TUSC3: variants seen among roughly 807,000 people sequenced by gnomAD.
TUSC3 encodes the protein tumor suppressor candidate 3, also known as dolichyl-diphosphooligosaccharide--protein glycosyltransferase subunit TUSC3.
Under a neutral mutation model 44.8 loss-of-function variants are expected in TUSC3, and 45 were observed. The ratio of observed to expected loss-of-function variants is 1.00; its 90% CI spans 0.79 to 1.29. The LOEUF (loss-of-function observed/expected upper bound fraction) is 1.29. Among genes scored for constraint, TUSC3 ranks in the 50% most tolerant of loss-of-function variants. The pLI, the probability that TUSC3 is intolerant of heterozygous loss-of-function variation, is 0.00. For missense variants in TUSC3, 519 were observed against 437.9 expected, an observed-to-expected ratio of 1.19 and a Z score of -1.65; for synonymous variants, 212 against 152.9, an observed-to-expected ratio of 1.39 and a Z score of -2.85.
chr8:15,615,100 C>A (rs972715155), intron 1 of TUSC3, among the ~76,000 whole-genome samples: 1 of 152,126 alleles, frequency 6.6e-6, no homozygotes, highest in Non-Finnish European at 1.5e-5. Flanking sequence ...TCAGCAATCT[C>A]AATGATGGTT....
At chr8:15,820,293 G>T in the TUSC3 span, among the ~76,000 whole-genome samples, 1 of 147,528 alleles carries the variant, frequency 6.8e-6, no homozygotes, top group East Asian at 2.0e-4. Flanking sequence ...ATTCATGAAA[G>T]ATATTGATCT....
chr8:15,485,940 A>G (rs1400839445), intron 2 of TUSC3, among the ~76,000 whole-genome samples: 1 of 151,830 alleles, frequency 6.6e-6, no homozygotes, highest in African/African-American at 2.4e-5. Context: ...ACAGGTGCCC[A>G]CCACCAAGCC....
chr8:15,820,773 T>A, the TUSC3 span, among the ~76,000 whole-genome samples: 1 of 152,224 alleles, frequency 6.6e-6, no homozygotes, highest in East Asian at 1.9e-4. Context: ...TGAAACTAGC[T>A]ACCTTGGAAT....
chr8:15,581,889 C>T (rs955128433), intron 1 of TUSC3, among the ~76,000 whole-genome samples: 4 of 139,316 alleles, frequency 2.9e-5, no homozygotes, highest in Admixed American at 7.0e-5. Flanking sequence ...TGGGCAATGG[C>T]GGGCGCCCCT....
At chr8:15,478,579 C>T (rs1164129039) in intron 1 of TUSC3, among the ~76,000 whole-genome samples, 2 of 152,136 alleles carry the variant, frequency 1.3e-5, no homozygotes, top group African/African-American at 4.8e-5. Flanking sequence ...CTTCCAGCAC[C>T]ATCCATGTCC....
In TUSC3 at chr8:15,503,305, C is replaced by T. The variant is rs374972191; in HGVS notation, n.189+19822C>T. Among the ~76,000 whole-genome samples the T allele has an allele frequency of 2.6e-5, 4 of 152,214 alleles. No individual in the cohort carries two copies. In the East Asian group the frequency reaches 5.8e-4, roughly 22 times the overall value. Reference sequence around the variant, plus strand: ...TCAGAAGAAACTAACCCTGCCGCCTCCTGTATCTTAGACTTGTAGGCTTCA... The same window carrying T: ...TCAGAAGAAACTAACCCTGCCGCCTTCTGTATCTTAGACTTGTAGGCTTCA... On this transcript the variant is annotated intron_variant and non_coding_transcript_variant, in intron 2 of 5. Transcript: ENST00000503191.
chr8:15,687,152 T>A (rs556487334), intron 6 of TUSC3, among the ~76,000 whole-genome samples: 1 of 152,216 alleles, frequency 6.6e-6, no homozygotes, highest in Non-Finnish European at 1.5e-5. Context: ...TTGATGTTAG[T>A]ATTTGGAATT....
chr8:15,672,063 G>T (rs1451395658), intron 5 of TUSC3, among the ~76,000 whole-genome samples: 1 of 151,956 alleles, frequency 6.6e-6, no homozygotes, highest in Non-Finnish European at 1.5e-5. Context: ...AGATTGACTG[G>T]GTTGACATAG....
At chr8:15,773,982 G>A in the TUSC3 span, among the ~76,000 whole-genome samples, 1 of 152,156 alleles carries the variant, frequency 6.6e-6, no homozygotes, top group Non-Finnish European at 1.5e-5. Context: ...TTGACCTAGG[G>A]TTTGGCAACA....
rs948755140 is a variant in TUSC3 at position 15,513,862 on chromosome 8, C to T, written n.189+30379C>T. On this transcript the variant is annotated intron_variant and non_coding_transcript_variant, in intron 2 of 5. Transcript: ENST00000503191. ...CCTTCTCTTTTCAGTCTAACTTTTA[C>T]TTGCTCCCAAATTTTTCCACCTTTA... Among the ~76,000 whole-genome samples, 4 of 152,160 alleles carry T rather than the reference C, an allele frequency of 2.6e-5. No individual in the cohort carries two copies. The South Asian group carries it at 6.2e-4, about 24-fold the overall frequency.
intron 2 of TUSC3, among the ~76,000 whole-genome samples, chr8:15,505,445 T>C (rs976060145): frequency 3.3e-4 from 50 of 152,254 alleles, no homozygotes; most frequent in African/African-American, 1.2e-3. Context: ...TGCTGTTGCA[T>C]AACCTTAGCA....
intron 3 of TUSC3, among the ~76,000 whole-genome samples, chr8:15,652,712 G>A (rs1383979345): frequency 6.6e-6 from 1 of 151,918 alleles, no homozygotes; most frequent in Non-Finnish European, 1.5e-5. Context: ...AGGATAATTG[G>A]CCTTAGAGAT....
At chr8:15,806,878 G>A in the TUSC3 span, 1 of 1,162,222 alleles carries the variant, frequency 8.6e-7, no homozygotes, top group Non-Finnish European at 1.3e-6. Flanking sequence ...TAATTATGTT[G>A]GGGAGAAAGT....
intron 1 of TUSC3, among the ~76,000 whole-genome samples, chr8:15,560,732 T>C (rs1298321395): frequency 8.4e-6 from 1 of 118,842 alleles, no homozygotes; most frequent in Non-Finnish European, 1.8e-5. Context: ...TAAACTTCCC[T>C]TCTCGCTTCA....
At chr8:15,540,602 CG>C in intron 1 of TUSC3, 34 bp downstream of exon 1, 2 of 1,466,704 alleles carry the variant, frequency 1.4e-6, no homozygotes, top group Admixed American at 2.0e-5. Context: ...CCCCTGTGGG[CG>C]GGGGCGGGCC....
At chr8:15,676,846 A>G (rs1217332986) in intron 6 of TUSC3, among the ~76,000 whole-genome samples, 1 of 152,186 alleles carries the variant, frequency 6.6e-6, no homozygotes, top group Non-Finnish European at 1.5e-5. Flanking sequence ...AAACTAATCC[A>G]TCTAGCATAT....
chr8:15,677,380 TA>T (rs1444015093), intron 6 of TUSC3, among the ~76,000 whole-genome samples: 1 of 152,184 alleles, frequency 6.6e-6, no homozygotes, highest in African/African-American at 2.4e-5. Context: ...GAGATTTTGA[TA>T]AGAGAAAGTA....
intron 1 of TUSC3, among the ~76,000 whole-genome samples, chr8:15,613,583 C>T (rs1289697744): frequency 6.6e-6 from 1 of 152,142 alleles, no homozygotes; most frequent in Non-Finnish European, 1.5e-5. Flanking sequence ...TGTTCTTCGT[C>T]TTCTGCCATG....
At chr8:15,665,270 C>G (rs1807609738) in intron 5 of TUSC3, among the ~76,000 whole-genome samples, 2 of 151,230 alleles carry the variant, frequency 1.3e-5, no homozygotes, top group African/African-American at 4.8e-5. Flanking sequence ...AAAATGTATA[C>G]AAAGGGAGGA....
Sources: gnomAD v4.1 joint callset for allele counts (sites outside exome capture counted in the v4.1 genomes callset) on GRCh38, gnomAD v4.1.1 for gene constraint, MANE v1.5 for transcripts, NCBI Gene and HGNC (gene_info 2026-07-23, HGNC 2026-07-21) for gene names.